The following RNFT2 variants were observed in gnomAD, a reference collection of about 807,000 sequenced individuals.
RNFT2 encodes the protein ring finger protein, transmembrane 2, also known as E3 ubiquitin-protein ligase RNFT2.
Under a neutral mutation model 53.0 loss-of-function variants are expected in RNFT2, and 36 were observed. The ratio of observed to expected loss-of-function variants is 0.68; its 90% CI spans 0.52 to 0.90. RNFT2 has a LOEUF of 0.90. Among genes scored for constraint, RNFT2 ranks in the 40% least tolerant of loss-of-function variants. The pLI, the probability that RNFT2 is intolerant of heterozygous loss-of-function variation, is 0.00. For synonymous variants in RNFT2, 260 were observed against 253.2 expected (o/e 1.03, Z -0.26); for missense variants, 514 against 585.6 (o/e 0.88, Z 1.26).
At chr12:116,813,843 C>T (rs982617863) in intron 7 of RNFT2, among the ~76,000 whole-genome samples, 1 of 152,212 alleles carries the variant, frequency 6.6e-6, no homozygotes. Flanking sequence ...CCAGCTCTTT[C>T]ACTTATAAGT....
chr12:116,849,022 G>A (rs1214098113), intron 10 of RNFT2, among the ~76,000 whole-genome samples: 1 of 152,012 alleles, frequency 6.6e-6, no homozygotes, highest in Admixed American at 6.6e-5. Flanking sequence ...TTTTCACCAT[G>A]TTGGCCAGGG....
At chr12:116,745,014 A>G (rs1871828634) in intron 3 of RNFT2, among the ~76,000 whole-genome samples, 1 of 152,016 alleles carries the variant, frequency 6.6e-6, no homozygotes, top group African/African-American at 2.4e-5. Flanking sequence ...TGAGGATCAT[A>G]GCCATGGTGT....
At chr12:116,740,116 A>C (rs1871533697) in intron 1 of RNFT2, among the ~76,000 whole-genome samples, 1 of 151,902 alleles carries the variant, frequency 6.6e-6, no homozygotes, top group South Asian at 2.1e-4. Context: ...CAGGAGGCTG[A>C]GGCAGGAGAA....
chr12:116,813,149 G>A (rs1875470157), intron 7 of RNFT2, among the ~76,000 whole-genome samples: 1 of 151,826 alleles, frequency 6.6e-6, no homozygotes, highest in Non-Finnish European at 1.5e-5. Context: ...TGTAGAGACA[G>A]GGTTTTGCCA....
chr12:116,820,343 T>C (rs1875945184), intron 7 of RNFT2, among the ~76,000 whole-genome samples: 1 of 152,198 alleles, frequency 6.6e-6, no homozygotes, highest in Non-Finnish European at 1.5e-5. Flanking sequence ...CGGCCTCCCG[T>C]AGTTCTGGGT....
At chr12:116,821,304 C>T (rs1322078195) in intron 7 of RNFT2, among the ~76,000 whole-genome samples, 1 of 152,142 alleles carries the variant, frequency 6.6e-6, no homozygotes, top group Non-Finnish European at 1.5e-5. Context: ...GTTTCTCCCA[C>T]CCCTCCTGGC....
At chr12:116,844,557 G>A (rs563796429) in intron 10 of RNFT2, among the ~76,000 whole-genome samples, 8 of 152,206 alleles carry the variant, frequency 5.3e-5, no homozygotes, top group South Asian at 2.1e-4. Flanking sequence ...ATATGTCTCC[G>A]TTTCTATTTC....
rs544116038 is a variant in RNFT2 at position 116,740,315 on chromosome 12, C to T, written c.-153-30C>T. On this transcript the variant is annotated intron_variant, in intron 1 of 10. Transcript: ENST00000257575. The stretch of plus-strand genomic sequence containing the variant: ...TAGCAGATTCAAGGTATCGCAGGGA[C>T]TGTTCATCCAGGTGTTCTGTTCCAT... 5.8e-5 allele frequency: 35 copies of T among 602,506 alleles called. No individual in the cohort carries two copies. The South Asian group carries it at 6.1e-4, about 10-fold the overall frequency. The allele number at this position is 602,506 out of a possible 1,614,324, so 37.3% of individuals were successfully genotyped here.
chr12:116,746,024 C>T lies in RNFT2; in HGVS notation c.84-3817C>T, dbSNP rs555786716. On this transcript the variant is annotated intron_variant, in intron 3 of 10. Coordinates refer to ENST00000257575, the MANE Select transcript of RNFT2 (RefSeq NM_001382266.1). The stretch of plus-strand genomic sequence containing the variant: ...GGCCAAGGCGGGTGGATCACTTGAG[C>T]TCCGGAGTTCGAGACCAGCTTGGCC... Among the ~76,000 whole-genome samples, 4 of 152,222 alleles carry T rather than the reference C, an allele frequency of 2.6e-5. No individual in the cohort carries two copies. In the East Asian group the frequency reaches 7.7e-4, roughly 29 times the overall value.
At chr12:116,789,323 A>G (rs1363866222) in intron 7 of RNFT2, among the ~76,000 whole-genome samples, 6 of 140,668 alleles carry the variant, frequency 4.3e-5, no homozygotes, top group African/African-American at 1.1e-4. Flanking sequence ...GAGTGGATGG[A>G]TGGATGGGTA....
rs142211650 is a variant in RNFT2, at chr12:116,757,287, G to A, written c.627+3227G>A. On this transcript the variant is annotated intron_variant, in intron 5 of 10. Transcript: ENST00000257575. The stretch of plus-strand genomic sequence containing the variant: ...TTTCAAAGAATCAGCTTCTTGTTTC[G>A]TTTATCTTTTGAATTTTTTTGTTTC... Among the ~76,000 whole-genome samples, 323 of 151,948 alleles carry A rather than the reference G, an allele frequency of 2.1e-3. 1 individual carries two copies. The highest frequency in any genetic ancestry group is 7.4e-3 in the African/African-American group (306 of 41,470).
chr12:116,843,330 A>C (rs879428037), intron 10 of RNFT2, among the ~76,000 whole-genome samples: 1 of 151,586 alleles, frequency 6.6e-6, no homozygotes, highest in Admixed American at 6.6e-5. Context: ...CCAACTCTAC[A>C]AAAAATACAA....
intron 7 of RNFT2, among the ~76,000 whole-genome samples, chr12:116,824,594 A>G (rs559444276): frequency 3.3e-5 from 5 of 152,306 alleles, no homozygotes; most frequent in African/African-American, 1.2e-4. Flanking sequence ...AGTTCCAGAC[A>G]GTAGGATAGA....
At chr12:116,758,780 C>G (rs565693348) in intron 5 of RNFT2, among the ~76,000 whole-genome samples, 2 of 152,196 alleles carry the variant, frequency 1.3e-5, no homozygotes, top group Non-Finnish European at 2.9e-5. Context: ...TTCTGTCTCA[C>G]AGCTCTTAAG....
intron 7 of RNFT2, among the ~76,000 whole-genome samples, chr12:116,811,475 A>G (rs1417395746): frequency 1.3e-5 from 2 of 151,776 alleles, no homozygotes; most frequent in East Asian, 3.9e-4. Flanking sequence ...TCCCAGGTTC[A>G]AGCAATCCTT....
intron 7 of RNFT2, chr12:116,782,079 C>CAAACAAAAAAAAAAAAAAAAAAAAAA (rs1566079526): frequency 1.5e-4 from 5 of 34,348 alleles, no homozygotes; most frequent in Non-Finnish European, 2.1e-4. Flanking sequence ...ACTCCGTCTC[C>CAAACAAAAAAAAAAAAAAAAAAAAAA]AAAAAAAAAA....
chr12:116,827,818 C>A (rs1009398214), intron 7 of RNFT2, among the ~76,000 whole-genome samples: 1 of 152,200 alleles, frequency 6.6e-6, no homozygotes, highest in African/African-American at 2.4e-5. Flanking sequence ...CAGAAACCAG[C>A]CTGCAGCTCA....
chr12:116,819,611 G>A (rs1298194341), intron 7 of RNFT2, among the ~76,000 whole-genome samples: 2 of 152,174 alleles, frequency 1.3e-5, no homozygotes, highest in African/African-American at 2.4e-5. Flanking sequence ...GGCTGCCGCC[G>A]GGTGGTGACG....
At chr12:116,753,575 T>C (rs1592939359) in intron 4 of RNFT2, among the ~76,000 whole-genome samples, 2 of 152,198 alleles carry the variant, frequency 1.3e-5, no homozygotes, top group Admixed American at 6.5e-5. Flanking sequence ...ATCTAGAAGC[T>C]TTATCCCTCT....
Sources: gnomAD v4.1 joint callset for allele counts (sites outside exome capture counted in the v4.1 genomes callset) on GRCh38, gnomAD v4.1.1 for gene constraint, MANE v1.5 for transcripts, NCBI Gene and HGNC (gene_info 2026-07-23, HGNC 2026-07-21) for gene names.